NMD3: variants seen among roughly 807,000 people sequenced by gnomAD.
NMD3 encodes NMD3 ribosome export adaptor, also known as 60S ribosomal export protein NMD3.
NMD3 carries 47 observed loss-of-function variants against 73.1 expected under a neutral mutation model. That is an observed-to-expected ratio of 0.64 (90% CI 0.51 to 0.82). The LOEUF (loss-of-function observed/expected upper bound fraction) is 0.82. NMD3 is among the 40% of genes least tolerant of loss of function. The probability of loss-of-function intolerance (pLI) is 0.00; values close to 1 mark genes in which losing one functional copy is unlikely to be tolerated. For synonymous variants in NMD3, 210 were observed against 194.5 expected (o/e 1.08, Z -0.66); for missense variants, 554 against 612.5 (o/e 0.90, Z 1.01).
chr3:161,236,799 G>T (rs541027457), intron 7 of NMD3, among the ~76,000 whole-genome samples: 1 of 152,240 alleles, frequency 6.6e-6, no homozygotes, highest in Non-Finnish European at 1.5e-5. Flanking sequence ...CTTCATCCCA[G>T]TGAAAACTCT....
chr3:161,221,958 CTTTTTTTTT>C lies in NMD3; in HGVS notation c.-20-14_-20-6del, dbSNP rs376329329. On this transcript the variant is annotated intron_variant, in intron 1 of 15. Transcript: ENST00000351193. ...AAAGTGATTTAAATCCCAACATTCTCTTTTTTTTTTTTTTTTTTTTTTTTTTTTTTAAAA... is the reference window on the plus strand; with the variant it reads ...AAAGTGATTTAAATCCCAACATTCTCTTTTTTTTTTTTTTTTTTTTTAAAA... 2.0e-3 allele frequency: 1,766 copies of C among 868,140 alleles called. 6 individuals carry two copies. The highest frequency in any genetic ancestry group is 3.0e-3 in the South Asian group (187 of 61,752). 53.8% of individuals were successfully genotyped at this position (868,140 alleles called of 1,614,324 possible).
At chr3:161,231,232 T>C (rs1257592341) in intron 4 of NMD3, among the ~76,000 whole-genome samples, 1 of 152,198 alleles carries the variant, frequency 6.6e-6, no homozygotes, top group Non-Finnish European at 1.5e-5. Context: ...GATTGTCCAT[T>C]ATATTAGCTT....
chr3:161,249,196 A>T (rs531556783), intron 13 of NMD3, among the ~76,000 whole-genome samples: 1 of 152,366 alleles, frequency 6.6e-6, no homozygotes, highest in Admixed American at 6.5e-5. Flanking sequence ...TGTTATTAAG[A>T]AAAACAGTAT....
intron 9 of NMD3, among the ~76,000 whole-genome samples, chr3:161,239,813 A>C (rs1736901106): frequency 6.6e-6 from 1 of 152,220 alleles, no homozygotes; most frequent in Admixed American, 6.5e-5. Flanking sequence ...AGGTCGTATA[A>C]TCTCTTTTGC....
intron 12 of NMD3, among the ~76,000 whole-genome samples, chr3:161,246,909 G>C (rs1391943338): frequency 6.7e-6 from 1 of 150,102 alleles, no homozygotes; most frequent in East Asian, 2.0e-4. Context: ...TAGGATTTCA[G>C]TTTCTTTTAC....
At chr3:161,226,844 A>G (rs563850726) in intron 3 of NMD3, among the ~76,000 whole-genome samples, 3 of 152,328 alleles carry the variant, frequency 2.0e-5, no homozygotes, top group African/African-American at 7.2e-5. Flanking sequence ...TGAGGTACTA[A>G]TGTACCTTTT....
chr3:161,252,716 T>C, downstream of NMD3: 1 of 625,056 alleles, frequency 1.6e-6, no homozygotes, highest in Non-Finnish European at 2.9e-6. Context: ...ACATGATTTA[T>C]AACCAATTTA....
chr3:161,242,084 T>C (rs1737005078), intron 10 of NMD3, among the ~76,000 whole-genome samples: 1 of 152,122 alleles, frequency 6.6e-6, no homozygotes, highest in Non-Finnish European at 1.5e-5. Context: ...TTAGGATTCA[T>C]AAGTTAAAGA....
At chr3:161,237,622 C>T (rs1314431407) in intron 7 of NMD3, among the ~76,000 whole-genome samples, 2 of 150,300 alleles carry the variant, frequency 1.3e-5, no homozygotes, top group South Asian at 2.1e-4. Flanking sequence ...TCACTGCAAC[C>T]TCCGCCAACT....
intron 4 of NMD3, among the ~76,000 whole-genome samples, chr3:161,231,767 C>G (rs1172193829): frequency 6.6e-6 from 1 of 151,926 alleles, no homozygotes; most frequent in Non-Finnish European, 1.5e-5. Context: ...ATCAGGAGAT[C>G]TAGAAGGTGA....
intron 15 of NMD3, 107 bp from the exon 16 acceptor site, chr3:161,250,673 C>CG: frequency 2.9e-6 from 2 of 684,174 alleles, no homozygotes; most frequent in Non-Finnish European, 2.3e-6. Flanking sequence ...AATGTAGTTA[C>CG]ATAATAATAA....
In NMD3 at chr3:161,225,060, C is replaced by G; in HGVS notation, c.175C>G (p.Gln59Glu). Residue 59 changes from glutamine (Q) to glutamate (E), a missense_variant, in exon 3 of 16, where the codon CAA becomes GAA. Coordinates refer to ENST00000351193, the MANE Select transcript of NMD3 (RefSeq NM_015938.5). ...CTCGATTTCGTTCTGCAAACAATGT[C>G]AAAGGTACAGTGCGGTACAATTTTG... ...QVSISFCKQC[Q>E]RYFQPPGTWI... The G allele has an allele frequency of 6.2e-7, 1 of 1,613,496 alleles. No homozygotes were observed. The highest frequency in any genetic ancestry group is 8.5e-7 in the Non-Finnish European group (1 of 1,179,842).
rs142388830 is a variant in NMD3 at position 161,224,115 on chromosome 3, A to C, written c.45-815A>C. ...AATTAGTGCAAGATTTGTATTCTTC[A>C]TCAATATACCTCCATTTGTTTTAAT... On this transcript the variant is annotated intron_variant, in intron 2 of 15. Coordinates refer to ENST00000351193, the MANE Select transcript of NMD3 (RefSeq NM_015938.5). Among the ~76,000 whole-genome samples the C allele has an allele frequency of 3.7e-3, 566 of 152,348 alleles. 4 individuals are homozygous for C. The highest frequency in any genetic ancestry group is 0.014 in the Middle Eastern group (4 of 294).
At chr3:161,238,242 G>A (rs745730882) in intron 8 of NMD3, 51 bp downstream of exon 8, 3 of 1,090,336 alleles carry the variant, frequency 2.8e-6, no homozygotes, top group Non-Finnish European at 4.1e-6. Context: ...GGGAATGGAT[G>A]CGGATCACAT....
At chr3:161,246,570 C>A in intron 12 of NMD3, 122 bp downstream of exon 12, 1 of 428,668 alleles carries the variant, frequency 2.3e-6, no homozygotes, top group South Asian at 7.3e-5. Context: ...TTCTTAGGAG[C>A]CTTATAACTC....
At chr3:161,246,025 G>A (rs902034466) in intron 11 of NMD3, among the ~76,000 whole-genome samples, 1 of 151,994 alleles carries the variant, frequency 6.6e-6, no homozygotes, top group African/African-American at 2.4e-5. Context: ...CCATCTTCCT[G>A]TGAAAACATT....
At chr3:161,236,986 A>G (rs1410269166) in intron 7 of NMD3, among the ~76,000 whole-genome samples, 12 of 152,168 alleles carry the variant, frequency 7.9e-5, no homozygotes. Context: ...TTAAATGTGT[A>G]ATGTTCATTT....
intron 4 of NMD3, among the ~76,000 whole-genome samples, chr3:161,228,803 A>AT (rs1560065503): frequency 1.3e-5 from 2 of 152,212 alleles, no homozygotes; most frequent in Non-Finnish European, 2.9e-5. Context: ...GCCAGTGTGG[A>AT]GCAGCATGTT....
chr3:161,226,733 T>G (rs1489069423), intron 3 of NMD3, among the ~76,000 whole-genome samples: 1 of 152,254 alleles, frequency 6.6e-6, no homozygotes. Flanking sequence ...TGTTTTAGTC[T>G]GGTTTTACCC....
Sources: gnomAD v4.1 joint callset for allele counts (sites outside exome capture counted in the v4.1 genomes callset) on GRCh38, gnomAD v4.1.1 for gene constraint, MANE v1.5 for transcripts, NCBI Gene and HGNC (gene_info 2026-07-23, HGNC 2026-07-21) for gene names.